The following CCDC7 variants were observed in gnomAD, a reference collection of about 807,000 sequenced individuals.
CCDC7 encodes the protein coiled-coil domain containing 7.
In CCDC7, 183 loss-of-function variants were observed where a neutral mutation model predicts 196.9. The ratio of observed to expected loss-of-function variants is 0.93; its 90% CI spans 0.82 to 1.05. The LOEUF (loss-of-function observed/expected upper bound fraction) is 1.05. Among genes scored for constraint, CCDC7 ranks in the 50% least tolerant of loss-of-function variants. The probability of loss-of-function intolerance (pLI) is 0.00; values close to 1 mark genes in which losing one functional copy is unlikely to be tolerated. For synonymous variants in CCDC7, 525 were observed against 484.6 expected, an observed-to-expected ratio of 1.08 and a Z score of -1.10; for missense variants, 1,540 against 1,482.2, an observed-to-expected ratio of 1.04 and a Z score of -0.64.
chr10:32,650,486 G>T (rs1257192317), intron 20 of CCDC7, among the ~76,000 whole-genome samples: 2 of 152,216 alleles, frequency 1.3e-5, no homozygotes, highest in Admixed American at 6.5e-5. Flanking sequence ...CACTGTGCCT[G>T]CAATTTTGTT....
chr10:32,645,281 G>T, intron 20 of CCDC7, among the ~76,000 whole-genome samples: 1 of 152,096 alleles, frequency 6.6e-6, no homozygotes. Flanking sequence ...ATGGAAATCA[G>T]TATGTTTTTT....
At chr10:32,545,681 A>T (rs1589726719) in intron 13 of CCDC7, among the ~76,000 whole-genome samples, 1 of 152,146 alleles carries the variant, frequency 6.6e-6, no homozygotes, top group East Asian at 1.9e-4. Flanking sequence ...TGAGGCGGAC[A>T]GATCACTTGA....
At chr10:32,677,108 T>C (rs1234921157) in intron 21 of CCDC7, among the ~76,000 whole-genome samples, 5 of 148,966 alleles carry the variant, frequency 3.4e-5, no homozygotes, top group South Asian at 4.2e-4. Context: ...AGTAAACTAT[T>C]GCAAGGACAA....
chr10:32,449,990 C>A (rs2032600954), upstream of CCDC7, among the ~76,000 whole-genome samples: 1 of 152,204 alleles, frequency 6.6e-6, no homozygotes, highest in African/African-American at 2.4e-5. Context: ...ATAAATGTTT[C>A]TTGTTTATAA....
intron 20 of CCDC7, among the ~76,000 whole-genome samples, chr10:32,636,984 G>A (rs1197457982): frequency 6.6e-6 from 1 of 152,182 alleles, no homozygotes; most frequent in Non-Finnish European, 1.5e-5. Flanking sequence ...GGCCAGTGAT[G>A]ATGAGCATTT....
intron 18 of CCDC7, among the ~76,000 whole-genome samples, chr10:32,612,879 T>A (rs963691562): frequency 6.8e-6 from 1 of 146,988 alleles, no homozygotes; most frequent in African/African-American, 2.5e-5. Flanking sequence ...AAATTTTCTT[T>A]GTTTTTTTTT....
At chr10:32,663,264 A>C (rs896323274) in intron 20 of CCDC7, among the ~76,000 whole-genome samples, 2 of 152,162 alleles carry the variant, frequency 1.3e-5, no homozygotes, top group Non-Finnish European at 2.9e-5. Flanking sequence ...AGGACTCTAC[A>C]TACTTTTTCA....
chr10:32,708,691 A>G (rs1462959320), intron 24 of CCDC7, among the ~76,000 whole-genome samples: 3 of 152,260 alleles, frequency 2.0e-5, no homozygotes, highest in African/African-American at 7.2e-5. Flanking sequence ...AAAAGGAGAC[A>G]TTTATGCAGC....
intron 40 of CCDC7, among the ~76,000 whole-genome samples, chr10:32,853,694 A>T (rs2093648087): frequency 6.6e-6 from 1 of 152,160 alleles, no homozygotes; most frequent in Non-Finnish European, 1.5e-5. Context: ...CTCCTTAATT[A>T]TAGCACTAGA....
intron 29 of CCDC7, among the ~76,000 whole-genome samples, chr10:32,797,599 A>G (rs919970786): frequency 6.6e-6 from 1 of 152,126 alleles, no homozygotes; most frequent in African/African-American, 2.4e-5. Context: ...CCAAAATCTC[A>G]CAAATCACCA....
At chr10:32,618,876 C>A (rs1181101366) in intron 18 of CCDC7, among the ~76,000 whole-genome samples, 2 of 152,090 alleles carry the variant, frequency 1.3e-5, no homozygotes, top group Admixed American at 6.6e-5. Flanking sequence ...GGAATACCAA[C>A]AATGCATAAG....
intron 20 of CCDC7, among the ~76,000 whole-genome samples, chr10:32,661,349 T>C (rs1178143741): frequency 2.6e-5 from 4 of 151,406 alleles, no homozygotes; most frequent in Admixed American, 6.6e-5. Context: ...TGTGGAGAAA[T>C]AGGAACACTT....
chr10:32,499,805 C>A (rs1431672594), intron 9 of CCDC7, among the ~76,000 whole-genome samples: 1 of 151,928 alleles, frequency 6.6e-6, no homozygotes, highest in Non-Finnish European at 1.5e-5. Flanking sequence ...GGTGATGACT[C>A]TTAACGAGTA....
intron 40 of CCDC7, among the ~76,000 whole-genome samples, chr10:32,852,695 C>A (rs1405869762): frequency 1.3e-5 from 2 of 151,930 alleles, no homozygotes; most frequent in Non-Finnish European, 2.9e-5. Flanking sequence ...CATAAAGGTT[C>A]TAAGTAAAAA....
At position 32,567,792 on chromosome 10, in the gene CCDC7, A is replaced by T. The variant is rs139518887; in HGVS notation, c.1320A>T (p.Glu440Asp). Residue 440 changes from glutamate (E) to aspartate (D), a missense_variant, in exon 15 of 42, where the codon GAA becomes GAT. Glu to Asp is a conservative substitution (Grantham distance 45). Transcript: ENST00000639629. Reference sequence around the variant, plus strand: ...ATAGTCAAACAAAAGTTAAAGGTGAAGATTCAAAAAATATACCATTGGAGA... The same window carrying T: ...ATAGTCAAACAAAAGTTAAAGGTGATGATTCAAAAAATATACCATTGGAGA... 5.7e-5 allele frequency: 92 copies of T among 1,613,738 alleles called. No homozygotes were observed. The African/African-American group carries it at 1.1e-3, about 20-fold the overall frequency.
At chr10:32,484,771 G>A (rs1017503178) in intron 8 of CCDC7, among the ~76,000 whole-genome samples, 5 of 152,092 alleles carry the variant, frequency 3.3e-5, no homozygotes, top group African/African-American at 1.2e-4. Context: ...GGTTTTTGTT[G>A]TTGGTTCTGT....
chr10:32,674,479 G>GT (rs1410820695), intron 21 of CCDC7, among the ~76,000 whole-genome samples: 1 of 151,944 alleles, frequency 6.6e-6, no homozygotes, highest in Non-Finnish European at 1.5e-5. Flanking sequence ...TTTCTTAAAT[G>GT]TTTAAGACTT....
chr10:32,627,151 A>G (rs1467708188), intron 18 of CCDC7, among the ~76,000 whole-genome samples: 1 of 151,806 alleles, frequency 6.6e-6, no homozygotes, highest in Non-Finnish European at 1.5e-5. Flanking sequence ...TAGTGTGGAC[A>G]TTTTTAAAAA....
At chr10:32,507,693 C>T (rs772724589) in intron 9 of CCDC7, among the ~76,000 whole-genome samples, 2 of 151,620 alleles carry the variant, frequency 1.3e-5, no homozygotes, top group Non-Finnish European at 2.9e-5. Flanking sequence ...TCAGGTGATC[C>T]ACCACCTTGA....
Sources: allele counts gnomAD v4.1 joint callset (sites outside exome capture counted in the v4.1 genomes callset), GRCh38; gene constraint gnomAD v4.1.1; transcripts MANE v1.5; gene names NCBI Gene and HGNC (gene_info 2026-07-23, HGNC 2026-07-21).